APOC2: variants seen among roughly 807,000 people sequenced by gnomAD.
APOC2 encodes the protein apolipoprotein C2.
APOC2 carries 6 observed loss-of-function variants against 10.2 expected under a neutral mutation model. The ratio of observed to expected loss-of-function variants is 0.59; its 90% CI spans 0.32 to 1.16. The LOEUF is 1.16. Among genes scored for constraint, APOC2 ranks in the 50% most tolerant of loss-of-function variants. APOC2 has a pLI of 0.05. For missense variants in APOC2, 110 were observed against 117.6 expected, an observed-to-expected ratio of 0.94 and a Z score of 0.30; for synonymous variants, 56 against 48.5, an observed-to-expected ratio of 1.15 and a Z score of -0.64.
intron 1 of APOC2, among the ~76,000 whole-genome samples, chr19:44,946,525 AAG>A (rs1338380735): frequency 4.0e-5 from 6 of 151,856 alleles, no homozygotes; most frequent in Non-Finnish European, 7.4e-5. Context: ...ATTTCTAAAA[AAG>A]AGAAAGAAAA....
At chr19:44,946,687 T>G (rs867746615) in intron 1 of APOC2, among the ~76,000 whole-genome samples, 5 of 151,808 alleles carry the variant, frequency 3.3e-5, no homozygotes, top group South Asian at 2.1e-4. Flanking sequence ...CCGGGTGTGG[T>G]AGCATATGCC....
At position 44,948,792 on chromosome 19, in the gene APOC2, G is replaced by A; in HGVS notation, c.147G>A (p.Glu49=). The A allele has an allele frequency of 6.2e-7, 1 of 1,614,182 alleles. No individual in the cohort carries two copies. The highest frequency in any genetic ancestry group is 1.3e-5 in the African/African-American group (1 of 75,054). ...QVKESLSSYW[E]SAKTAAQNLY... ...AGGAATCTCTCTCCAGTTACTGGGA[G>A]TCAGCAAAGACAGCCGCCCAGAACC... Residue 49 remains glutamate, a synonymous_variant, in exon 3 of 4, where the codon GAG becomes GAA. Coordinates refer to ENST00000252490, the MANE Select transcript of APOC2 (RefSeq NM_000483.5).
In APOC2 at chr19:44,948,488, C is replaced by G. The variant is rs202190413; in HGVS notation, c.10C>G (p.Arg4Gly). Residue 4 changes from arginine (R) to glycine (G), a missense_variant, in exon 2 of 4, where the codon CGA (arginine) becomes GGA (glycine). Arg to Gly is a moderately radical substitution (Grantham distance 125). Transcript: ENST00000252490. ...CAGGTCTCTGGACACTATGGGCACA[C>G]GACTCCTCCCAGCTCTGTTTCTTGT... MGT[R>G]LLPALFLVLL... is the part of the protein sequence containing the mutation. 75 of 1,613,892 alleles carry G rather than the reference C, an allele frequency of 4.6e-5. No individual in the cohort carries two copies. The highest frequency in any genetic ancestry group is 6.3e-5 in the Non-Finnish European group (74 of 1,179,962).
At chr19:44,948,069 A>G (rs774088882) in intron 1 of APOC2, among the ~76,000 whole-genome samples, 5 of 151,924 alleles carry the variant, frequency 3.3e-5, no homozygotes, top group Non-Finnish European at 7.4e-5. Context: ...ACTCCATCTC[A>G]AAAAATACGA....
chr19:44,948,501 C>T lies in APOC2; in HGVS notation c.23C>T (p.Ala8Val), dbSNP rs544199287. 1 of 1,614,120 alleles carries T rather than the reference C, an allele frequency of 6.2e-7. No homozygotes were observed. Among genetic ancestry groups the T allele is most frequent in the Admixed American group, 1.7e-5 (1 of 60,024 alleles). Residue 8 changes from alanine to valine, a missense_variant, in exon 2 of 4, where the codon GCT (alanine) becomes GTT (valine). Coordinates refer to ENST00000252490, the MANE Select transcript of APOC2 (RefSeq NM_000483.5). The part of the protein sequence containing the change: MGTRLLP[A>V]LFLVLLVLGF... Reference sequence around the variant, plus strand: ...ACTATGGGCACACGACTCCTCCCAGCTCTGTTTCTTGTCCTCCTGGTATTG... The same window carrying T: ...ACTATGGGCACACGACTCCTCCCAGTTCTGTTTCTTGTCCTCCTGGTATTG...
chr19:44,946,466 G>A (rs1359098211), intron 1 of APOC2, among the ~76,000 whole-genome samples: 2 of 152,122 alleles, frequency 1.3e-5, no homozygotes, highest in Non-Finnish European at 2.9e-5. Context: ...AGGATGCAGT[G>A]AGCTGTGATC....
chr19:44,947,759 C>A (rs2122207980), intron 1 of APOC2, among the ~76,000 whole-genome samples: 1 of 152,222 alleles, frequency 6.6e-6, no homozygotes, highest in East Asian at 1.9e-4. Flanking sequence ...CATGGTGAAA[C>A]CCCATCTCTA....
rs771809383 is a variant in APOC2 at position 44,946,054 on chromosome 19, G to A, written c.-35G>A. The A allele has an allele frequency of 6.6e-6, 1 of 152,384 alleles. No homozygotes were observed. The highest frequency in any genetic ancestry group is 1.5e-5 in the Non-Finnish European group (1 of 68,216). 9.4% of individuals were successfully genotyped at this position (152,384 alleles called of 1,614,324 possible). On this transcript the variant is annotated 5_prime_UTR_variant, in exon 1 of 4. Transcript: ENST00000252490. Reference sequence around the variant, plus strand: ...CTCTCTGTGCCCGTCCGGAGCTGGTGAGGACAGCCTGCCAGAGTCTGGTAA... The same window carrying A: ...CTCTCTGTGCCCGTCCGGAGCTGGTAAGGACAGCCTGCCAGAGTCTGGTAA...
chr19:44,948,553 G>C lies in APOC2; in HGVS notation c.55+20G>C. The stretch of plus-strand genomic sequence containing the variant: ...GATTTGGTGAGTGTGGGCTTCCGGG[G>C]AGGGAAGCCTTGGGGAGGGGAATGA... On this transcript the variant is annotated intron_variant, in intron 2 of 3. Coordinates refer to ENST00000252490, the MANE Select transcript of APOC2 (RefSeq NM_000483.5). The C allele has an allele frequency of 6.2e-7, 1 of 1,612,698 alleles. No individual in the cohort carries two copies. The highest frequency in any genetic ancestry group is 8.5e-7 in the Non-Finnish European group (1 of 1,178,738).
At chr19:44,947,779 CA>C (rs1226774574) in intron 1 of APOC2, among the ~76,000 whole-genome samples, 1 of 151,818 alleles carries the variant, frequency 6.6e-6, no homozygotes, top group Non-Finnish European at 1.5e-5. Context: ...ACTAAAAATA[CA>C]AAAATCAGGT....
rs1970357293 is a variant in APOC2, at chr19:44,949,175, A to G, written c.232A>G (p.Ser78Gly). ...TCTCCCCAGGGACTTGTACAGCAAA[A>G]GCACAGCAGCCATGAGCACTTACAC... ...DEKLRDLYSKSTAAMSTYTGI... is the reference protein window; with the variant it reads ...DEKLRDLYSKGTAAMSTYTGI... Residue 78 changes from serine to glycine, a missense_variant, in exon 4 of 4, where the codon AGC becomes GGC. By Grantham distance (56) the Ser-to-Gly change is moderately conservative. Transcript: ENST00000252490. The G allele has an allele frequency of 6.2e-7, 1 of 1,613,956 alleles. No homozygotes were observed. Among genetic ancestry groups the G allele is most frequent in the Non-Finnish European group, 8.5e-7 (1 of 1,179,988 alleles).
At chr19:44,946,234 T>TGTGTGTGTGTGTGTGTGTGTGA (rs1236986911) in intron 1 of APOC2, among the ~76,000 whole-genome samples, 159 bp downstream of exon 1, 34 of 132,898 alleles carry the variant, frequency 2.6e-4, no homozygotes, top group African/African-American at 1.0e-3. Context: ...TGTGTGTGTG[T>TGTGTGTGTGTGTGTGTGTGTGA]GAGAGAGAGA....
intron 1 of APOC2, among the ~76,000 whole-genome samples, chr19:44,946,773 G>C (rs1312745257): frequency 6.6e-6 from 1 of 152,076 alleles, no homozygotes; most frequent in Admixed American, 6.6e-5. Flanking sequence ...AGTGAGCCCA[G>C]ATCGTGCCAC....
chr19:44,947,926 G>A (rs912754265), intron 1 of APOC2, among the ~76,000 whole-genome samples: 49 of 152,178 alleles, frequency 3.2e-4, no homozygotes, highest in Admixed American at 1.3e-4. Flanking sequence ...AATATTAGCC[G>A]GGCATGGTGG....
rs886792819 is a variant in APOC2, at chr19:44,949,562, G to A, written c.*313G>A. 2.3e-5 allele frequency: 8 copies of A among 344,352 alleles called. 1 individual carries two copies. The highest frequency in any genetic ancestry group is 3.8e-5 in the Non-Finnish European group (7 of 183,850). The allele number at this position is 344,352 out of a possible 1,614,324, so 21.3% of individuals were successfully genotyped here. On this transcript the variant is annotated 3_prime_UTR_variant, in exon 4 of 4. Transcript: ENST00000252490. ...ATAGTAACAATAAATAATCGTAACA[G>A]CAATTAGAGACTAATCTTTATTGAA...
Position 44,948,104 on chromosome 19 carries a change from C to T in APOC2, c.-13-362C>T, listed in dbSNP as rs1002947991. ...AAAACAAAAATCAGCCGGGTGGTGG[C>T]GGGTGCCTGTAATCCCAGCTACTGG... On this transcript the variant is annotated intron_variant, in intron 1 of 3. Transcript: ENST00000252490. Among the ~76,000 whole-genome samples, 11 of 151,948 alleles carry T rather than the reference C, an allele frequency of 7.2e-5. No individual in the cohort carries two copies. The East Asian group carries it at 1.2e-3, about 16-fold the overall frequency.
In APOC2 at chr19:44,948,840, C is replaced by A. The variant is rs145771233; in HGVS notation, c.195C>A (p.Pro65=). 484 of 1,613,238 alleles carry A rather than the reference C, an allele frequency of 3.0e-4. No individual in the cohort carries two copies. The highest frequency in any genetic ancestry group is 4.0e-4 in the Non-Finnish European group (470 of 1,180,034). Residue 65 remains proline, a synonymous_variant, in exon 3 of 4, where the codon CCC becomes CCA. Coordinates refer to ENST00000252490, the MANE Select transcript of APOC2 (RefSeq NM_000483.5). ...ACCTGTACGAGAAGACATACCTGCC[C>A]GCTGTAGATGAGAAACTCAGGTAGC... ...AQNLYEKTYL[P]AVDEKLRDLY... is the part of the protein sequence containing the mutation.
intron 1 of APOC2, among the ~76,000 whole-genome samples, chr19:44,947,633 C>A (rs1052917344): frequency 6.6e-6 from 1 of 151,978 alleles, no homozygotes; most frequent in African/African-American, 2.4e-5. Flanking sequence ...CCCATCTCTA[C>A]AAAAGAATAA....
intron 1 of APOC2, among the ~76,000 whole-genome samples, 159 bp downstream of exon 1, chr19:44,946,234 T>TGTGTGTGTGTGTGTGAGTGAGA (rs1236986911): frequency 7.5e-6 from 1 of 132,836 alleles, no homozygotes; most frequent in African/African-American, 3.0e-5. Flanking sequence ...TGTGTGTGTG[T>TGTGTGTGTGTGTGTGAGTGAGA]GAGAGAGAGA....
Sources: allele counts gnomAD v4.1 joint callset (sites outside exome capture counted in the v4.1 genomes callset), GRCh38; gene constraint gnomAD v4.1.1; transcripts MANE v1.5; gene names NCBI Gene and HGNC (gene_info 2026-07-23, HGNC 2026-07-21).